Variants in ITGAL observed in about 807,000 individuals in gnomAD.
The protein encoded by ITGAL is integrin subunit alpha L, also known as integrin alpha-L.
A neutral mutation model predicts 138.4 loss-of-function variants in ITGAL; 68 were observed. The observed-to-expected ratio is 0.49, with a 90% confidence interval of 0.40 to 0.60. ITGAL has a LOEUF of 0.60. ITGAL is among the 20% of genes least tolerant of loss of function. ITGAL has a pLI of 0.00. For missense variants in ITGAL, 1,256 were observed against 1,478.6 expected, an observed-to-expected ratio of 0.85 and a Z score of 2.47; for synonymous variants, 561 against 584.3, an observed-to-expected ratio of 0.96 and a Z score of 0.57.
intron 28 of ITGAL, 23 bp downstream of exon 28, chr16:30,517,918 G>A (rs1429033617): frequency 8.1e-6 from 13 of 1,607,342 alleles, no homozygotes; most frequent in South Asian, 7.7e-5. Flanking sequence ...CCTAAGAGAT[G>A]TGGAGCTGCT....
At chr16:30,499,776 T>C (rs867386553) in intron 17 of ITGAL, among the ~76,000 whole-genome samples, 1 of 142,624 alleles carries the variant, frequency 7.0e-6, no homozygotes, top group South Asian at 2.2e-4. Context: ...TCACCCAGGC[T>C]GTAGTGCAGT....
In ITGAL at chr16:30,483,966, C is replaced by A; in HGVS notation, c.855+7C>A. The A allele has an allele frequency of 6.2e-7, 1 of 1,609,448 alleles. No individual in the cohort carries two copies. The highest frequency in any genetic ancestry group is 8.5e-7 in the Non-Finnish European group (1 of 1,176,208). The stretch of plus-strand genomic sequence containing the variant: ...CATCCGCTACATCATCGGGGTAGGG[C>A]CCCTGCTGCTTCCTGCATCATATCT... On this transcript the variant is annotated splice_region_variant and intron_variant, in intron 8 of 30. Coordinates refer to ENST00000356798, the MANE Select transcript of ITGAL (RefSeq NM_002209.3).
At chr16:30,487,316 C>T (rs776414879) in intron 9 of ITGAL, among the ~76,000 whole-genome samples, 20 of 152,116 alleles carry the variant, frequency 1.3e-4, no homozygotes, top group Non-Finnish European at 2.4e-4. Context: ...TGATCTTTAA[C>T]TCCTGGGCTC....
intron 9 of ITGAL, among the ~76,000 whole-genome samples, chr16:30,484,794 C>A (rs369055349): frequency 1.1e-4 from 16 of 151,952 alleles, no homozygotes; most frequent in African/African-American, 3.9e-4. Context: ...TGGTGCATGC[C>A]TGTAATCCCA....
intron 17 of ITGAL, 164 bp from the exon 18 acceptor site, chr16:30,504,011 G>A: frequency 3.3e-6 from 2 of 604,526 alleles, no homozygotes; most frequent in East Asian, 3.0e-5. Flanking sequence ...TGGGTGTGCT[G>A]TACACACCTG....
At chr16:30,505,580 T>A (rs1233411820) in intron 20 of ITGAL, 118 bp downstream of exon 20, 2 of 795,276 alleles carry the variant, frequency 2.5e-6, no homozygotes, top group Admixed American at 4.8e-5. Flanking sequence ...TTAGTTTCCT[T>A]TTCTGAGAAA....
chr16:30,502,568 G>T (rs1349750963), intron 17 of ITGAL, among the ~76,000 whole-genome samples: 1 of 151,762 alleles, frequency 6.6e-6, no homozygotes, highest in Admixed American at 6.6e-5. Context: ...TCAACATGGT[G>T]AAAACCCATC....
chr16:30,512,675 G>C (rs1414951011), intron 24 of ITGAL, among the ~76,000 whole-genome samples: 1 of 151,668 alleles, frequency 6.6e-6, no homozygotes, highest in Non-Finnish European at 1.5e-5. Context: ...GACAGTGTCT[G>C]AGCTCAGGTC....
rs544940931 is a variant in ITGAL at position 30,503,508 on chromosome 16, G to T, written c.2146-667G>T. On this transcript the variant is annotated intron_variant, in intron 17 of 30. Transcript: ENST00000356798. ...GGATGAAAGAGAAAGAGAAAGAAAG[G>T]AGGGAAGGAAGGAAGGACAACGGAG... 4.9e-5 allele frequency among the ~76,000 whole-genome samples: 7 copies of T among 142,932 alleles called. No homozygotes were observed. The East Asian group carries it at 1.6e-3, about 32-fold the overall frequency. The allele number at this position is 142,932 out of a possible 152,430, so 93.8% of individuals were successfully genotyped here.
Position 30,474,916 on chromosome 16 carries a change from C to CT in ITGAL, c.165-390_165-389insT, listed in dbSNP as rs2050448080. Among the ~76,000 whole-genome samples, 15 of 137,324 alleles carry CT rather than the reference C, an allele frequency of 1.1e-4. No individual in the cohort carries two copies. The Admixed American group carries it at 1.3e-3, about 12-fold the overall frequency. The allele number at this position is 137,324 out of a possible 152,430, so 90.1% of individuals were successfully genotyped here. A position where few individuals can be genotyped will look rare whatever the true frequency, so the allele number is the denominator to read the frequency against. On this transcript the variant is annotated intron_variant, in intron 2 of 30. Transcript: ENST00000356798. ...TCTTGTCGCCCAGGCTGTAGTGCAA[C>CT]GGTTAGATCTCACCTCTCTGCAATC... is the stretch of plus-strand genomic sequence containing the variant.
chr16:30,489,986 G>A (rs1433150046), intron 11 of ITGAL, among the ~76,000 whole-genome samples: 1 of 151,976 alleles, frequency 6.6e-6, no homozygotes, highest in Non-Finnish European at 1.5e-5. Context: ...CAGCACTTTG[G>A]GAGGCTGAGG....
At chr16:30,485,949 C>G (rs767284957) in intron 9 of ITGAL, among the ~76,000 whole-genome samples, 1 of 152,122 alleles carries the variant, frequency 6.6e-6, no homozygotes, top group Non-Finnish European at 1.5e-5. Context: ...AATTCCTCCC[C>G]CTTCTTGCTC....
chr16:30,483,687 C>A, intron 7 of ITGAL, 140 bp from the exon 8 acceptor site: 1 of 864,976 alleles, frequency 1.2e-6, no homozygotes, highest in Non-Finnish European at 1.8e-6. Context: ...GTGACTGCTG[C>A]AGGCTTGGAA....
chr16:30,483,845 G>A lies in ITGAL; in HGVS notation c.741G>A (p.Glu247=), dbSNP rs2050594124. 1 of 1,613,806 alleles carries A rather than the reference G, an allele frequency of 6.2e-7. No individual in the cohort carries two copies. The highest frequency in any genetic ancestry group is 8.5e-7 in the Non-Finnish European group (1 of 1,179,856). The change falls in exon 8 of 31, where the codon GAG becomes GAA. Residue 247 remains glutamate, a synonymous_variant. Transcript: ENST00000356798. The stretch of plus-strand genomic sequence containing the variant: ...GACACAGGACAGAGGTGTTCCGGGA[G>A]GAGCTGGGGGCCCGGCCAGATGCCA... The part of the protein sequence containing the change: ...INYVATEVFR[E]ELGARPDATK...
rs1041006529 is a variant in ITGAL at position 30,494,715 on chromosome 16, T to C, written c.1368T>C (p.Ile456=). ...SQVQTIHGTQ[I]GSYFGGELCG... ...CAAACACCTGCCTCTCCCCACAGAT[T>C]GGCTCTTATTTCGGTGGGGAGCTGT... Residue 456 remains isoleucine, a splice_region_variant and synonymous_variant, in exon 13 of 31, where the codon ATT becomes ATC. Coordinates refer to ENST00000356798, the MANE Select transcript of ITGAL (RefSeq NM_002209.3). This position sits in a 1 kb window ranked among gnomAD's most constrained non-coding sequence, Gnocchi z 4.2. 1.2e-6 allele frequency: 2 copies of C among 1,608,006 alleles called. No homozygotes were observed. The highest frequency in any genetic ancestry group is 3.4e-5 in the Admixed American group (2 of 58,812).
chr16:30,512,106 T>TC, intron 24 of ITGAL, among the ~76,000 whole-genome samples: 1 of 152,284 alleles, frequency 6.6e-6, no homozygotes, highest in East Asian at 1.9e-4. Context: ...TTTACAAACG[T>TC]CCCCTTTAAT....
Position 30,510,397 on chromosome 16 carries a change from C to T in ITGAL, c.2545C>T (p.Pro849Ser), listed in dbSNP as rs184217553. The change falls in exon 22 of 31, where the codon CCT becomes TCT. Residue 849 changes from proline (P) to serine (S), a missense_variant. Pro to Ser is a moderately conservative substitution (Grantham distance 74). This residue lies in a region of ITGAL where 867 missense variants were observed against 972.5 expected (regional missense o/e 0.89). Transcript: ENST00000356798. ...SQIPVSCEEL[P>S]EESRLLSRAL... is the part of the protein sequence containing the mutation. ...GATACCTGTGAGCTGCGAGGAGCTTCCTGAAGAGTCCAGGCTTCTGTCCAG... is the reference window on the plus strand; with the variant it reads ...GATACCTGTGAGCTGCGAGGAGCTTTCTGAAGAGTCCAGGCTTCTGTCCAG... 4 of 1,613,212 alleles carry T rather than the reference C, an allele frequency of 2.5e-6. No homozygotes were observed. In the East Asian group the frequency reaches 8.9e-5, roughly 36 times the overall value.
rs565638611 is a variant in ITGAL, at chr16:30,482,885, G to A, written c.723-942G>A. ...TCTGTTGCCCAGGCTGGAGCGCAGT[G>A]ACGTGATCCTAGCTCACTGCAGCCT... On this transcript the variant is annotated intron_variant, in intron 7 of 30. Transcript: ENST00000356798. Among the ~76,000 whole-genome samples the A allele has an allele frequency of 1.0e-3, 156 of 152,090 alleles. 1 individual carries two copies. Among genetic ancestry groups the A allele is most frequent in the Non-Finnish European group, 1.2e-3 (79 of 67,982 alleles).
rs2051221483 is a variant in ITGAL, at chr16:30,519,626, C to T, written c.3229-231C>T. On this transcript the variant is annotated intron_variant, in intron 29 of 30. Coordinates refer to ENST00000356798, the MANE Select transcript of ITGAL (RefSeq NM_002209.3). Reference sequence around the variant, plus strand: ...CTGGACGGCTTTGAATGCTGAGCTGCGTGCGATTCCGGGGAAGCCATTGAA... The same window carrying T: ...CTGGACGGCTTTGAATGCTGAGCTGTGTGCGATTCCGGGGAAGCCATTGAA... 9.6e-6 allele frequency: 5 copies of T among 519,818 alleles called. 1 individual carries two copies. Among genetic ancestry groups the T allele is most frequent in the South Asian group, 4.5e-5 (2 of 44,054 alleles). The allele number at this position is 519,818 out of a possible 1,614,324, so 32.2% of individuals were successfully genotyped here. A position where few individuals can be genotyped will look rare whatever the true frequency, so the allele number is the denominator to read the frequency against.
Sources: allele counts gnomAD v4.1 joint callset (sites outside exome capture counted in the v4.1 genomes callset), GRCh38; gene constraint gnomAD v4.1.1; regional missense constraint gnomAD v4.1.1; non-coding constraint Gnocchi (gnomAD v3.1); transcripts MANE v1.5; gene names NCBI Gene and HGNC (gene_info 2026-07-23, HGNC 2026-07-21).